SYNE1: variants seen among roughly 807,000 people sequenced by gnomAD.
The protein encoded by SYNE1 is spectrin repeat containing nuclear envelope protein 1.
SYNE1 carries 616 observed loss-of-function variants against 1,111.0 expected under a neutral mutation model. The observed-to-expected ratio is 0.55, with a 90% CI of 0.52 to 0.59. The LOEUF is 0.59. Ranked by LOEUF, SYNE1 falls within the 20% of genes least tolerant of loss-of-function variation. The pLI is 0.00. For synonymous variants in SYNE1, 3,855 were observed against 3,825.8 expected (o/e 1.01, Z -0.28); for missense variants, 10,006 against 10,417.0 (o/e 0.96, Z 1.72).
At position 152,272,165 on chromosome 6, in the gene SYNE1, A is replaced by G. The variant is rs141511165; in HGVS notation, c.18574-2879T>C. 2.9e-3 allele frequency among the ~76,000 whole-genome samples: 444 copies of G among 152,374 alleles called. 3 individuals are homozygous for G. The highest frequency in any genetic ancestry group is 1.0e-2 in the African/African-American group (415 of 41,596). ...TCTCTGAATGATTTAGTCATTGTGA[A>G]ACATAAGACTTGGACCACAGGAAGC... On this transcript the variant is annotated intron_variant, in intron 98 of 145. Coordinates refer to ENST00000367255, the MANE Select transcript of SYNE1 (RefSeq NM_182961.4).
At chr6:152,364,794 A>G in intron 63 of SYNE1, 53 bp downstream of exon 63, 1 of 1,610,728 alleles carries the variant, frequency 6.2e-7, no homozygotes, top group Non-Finnish European at 8.5e-7. Context: ...CAGTAGTATT[A>G]TATTGATCTT....
chr6:152,628,412 G>T lies in SYNE1; in HGVS notation c.-81C>A. The T allele has an allele frequency of 2.9e-6, 4 of 1,380,378 alleles. No individual in the cohort carries two copies. The highest frequency in any genetic ancestry group is 4.1e-6 in the Non-Finnish European group (4 of 967,692). 85.5% of individuals were successfully genotyped at this position (1,380,378 alleles called of 1,614,324 possible). A position where few individuals can be genotyped will look rare whatever the true frequency, so the allele number is the denominator to read the frequency against. On this transcript the variant is annotated 5_prime_UTR_variant, in exon 3 of 146. Transcript: ENST00000367255. ...AGGGCTACACCACTCTAGAAAACAT[G>T]CTTGGACTTTTCTAGATCTATTCTG...
At chr6:152,545,696 T>C (rs961312507) in intron 3 of SYNE1, among the ~76,000 whole-genome samples, 9 of 152,222 alleles carry the variant, frequency 5.9e-5, no homozygotes, top group Non-Finnish European at 8.8e-5. Context: ...GTACCATGCA[T>C]TGATACATTT....
At chr6:152,577,168 A>C (rs1409807186) in intron 3 of SYNE1, among the ~76,000 whole-genome samples, 1 of 152,328 alleles carries the variant, frequency 6.6e-6, no homozygotes. Flanking sequence ...GATAGAAAGA[A>C]TCTTATTAGA....
chr6:152,387,326 A>G lies in SYNE1; in HGVS notation c.8233T>C (p.Leu2745=), dbSNP rs541934779. 2.4e-5 allele frequency: 38 copies of G among 1,614,162 alleles called. No individual in the cohort carries two copies. The highest frequency in any genetic ancestry group is 3.1e-5 in the Non-Finnish European group (36 of 1,180,026). Residue 2745 remains leucine (L), a synonymous_variant, in exon 54 of 146, where the codon TTG becomes CTG. Transcript: ENST00000367255. The stretch of plus-strand genomic sequence containing the variant: ...TCCACTGATTCCATCCACTGCTCCA[A>G]CTGGTTTTTCCTCTCTACATAGTCA... ...WNDYVERKNQ[L]EQWMESVDQK... is the part of the protein sequence containing the mutation.
At chr6:152,597,248 A>T (rs891418568) in intron 3 of SYNE1, among the ~76,000 whole-genome samples, 16 of 152,088 alleles carry the variant, frequency 1.1e-4, no homozygotes, top group Non-Finnish European at 2.1e-4. Context: ...AGTAACTAAA[A>T]CTACCTAAAG....
Position 152,427,948 on chromosome 6 carries a change from C to T in SYNE1, c.4977-132G>A, listed in dbSNP as rs909957309. On this transcript the variant is annotated intron_variant, in intron 37 of 145. Transcript: ENST00000367255. ...TCAGTTATCTCAGTCTTAGATATGC[C>T]AGCACAAAAATCCCTCCTTTTATTT... 111 of 1,339,204 alleles carry T rather than the reference C, an allele frequency of 8.3e-5. No individual in the cohort carries two copies. In the East Asian group the frequency reaches 2.7e-3, roughly 32 times the overall value. The allele number at this position is 1,339,204 out of a possible 1,614,324, so 83.0% of individuals were successfully genotyped here. A position where few individuals can be genotyped will look rare whatever the true frequency, so the allele number is the denominator to read the frequency against.
chr6:152,256,587 C>G lies in SYNE1; in HGVS notation c.19104+47G>C, dbSNP rs775165297. 6.2e-6 allele frequency: 10 copies of G among 1,610,818 alleles called. No homozygotes were observed. The South Asian group carries it at 9.9e-5, about 16-fold the overall frequency. ...GCCAGGCAAATCAATACAAGCAAAA[C>G]AAGACTCTTATAAACCAAGCCAAAC... On this transcript the variant is annotated intron_variant, in intron 102 of 145. Coordinates refer to ENST00000367255, the MANE Select transcript of SYNE1 (RefSeq NM_182961.4).
intron 14 of SYNE1, among the ~76,000 whole-genome samples, chr6:152,480,311 A>G (rs1268341834): frequency 1.3e-5 from 2 of 152,122 alleles, no homozygotes; most frequent in African/African-American, 4.8e-5. Flanking sequence ...ACTTGAGGTC[A>G]GGAGTTCAAG....
At chr6:152,151,083 T>C (rs543781603) in intron 135 of SYNE1, among the ~76,000 whole-genome samples, 5 of 151,794 alleles carry the variant, frequency 3.3e-5, no homozygotes, top group Non-Finnish European at 5.9e-5. Flanking sequence ...TTTGCCGGAC[T>C]TGGTGGTATG....
intron 41 of SYNE1, among the ~76,000 whole-genome samples, chr6:152,415,130 T>A (rs1320875224): frequency 6.6e-6 from 1 of 151,814 alleles, no homozygotes; most frequent in Non-Finnish European, 1.5e-5. Context: ...CTGAAAAAAA[T>A]GGAAGAGCAA....
At chr6:152,251,754 G>A (rs1399837777) in intron 104 of SYNE1, among the ~76,000 whole-genome samples, 4 of 151,698 alleles carry the variant, frequency 2.6e-5, no homozygotes, top group Admixed American at 6.6e-5. Flanking sequence ...GCGAGACTCC[G>A]TCTCAAAAAA....
chr6:152,141,315 G>A lies in SYNE1; in HGVS notation c.25134C>T (p.Gly8378=), dbSNP rs576598951. Residue 8378 remains glycine (G), a synonymous_variant, in exon 139 of 146, where the codon GGC becomes GGT. Coordinates refer to ENST00000367255, the MANE Select transcript of SYNE1 (RefSeq NM_182961.4). Reference sequence around the variant, plus strand: ...CGGAGTCTATACTGCTACTGCATTCGCCCAGCAGTTTCATCTGTTTAGACA... The same window carrying A: ...CGGAGTCTATACTGCTACTGCATTCACCCAGCAGTTTCATCTGTTTAGACA... The part of the protein sequence containing the change: ...TSYKGYMKLL[G]ECSSSIDSVK... 39 of 1,613,950 alleles carry A rather than the reference G, an allele frequency of 2.4e-5. No individual in the cohort carries two copies. The East Asian group carries it at 7.1e-4, about 30-fold the overall frequency.
chr6:152,214,193 CAA>C (rs200066196), intron 122 of SYNE1, among the ~76,000 whole-genome samples: 11 of 59,888 alleles, frequency 1.8e-4, no homozygotes, highest in Non-Finnish European at 2.6e-4. Flanking sequence ...AACTCCGTCT[CAA>C]AAAAAAAAAA....
intron 87 of SYNE1, 57 bp downstream of exon 87, chr6:152,316,792 C>T (rs1410268511): frequency 1.2e-6 from 2 of 1,602,034 alleles, no homozygotes; most frequent in Admixed American, 1.7e-5. Flanking sequence ...GTCAGTCTAC[C>T]CAGTTAAATC....
intron 65 of SYNE1, 98 bp downstream of exon 65, chr6:152,359,217 C>G: frequency 6.4e-7 from 1 of 1,550,520 alleles, no homozygotes; most frequent in Admixed American, 1.7e-5. Flanking sequence ...TTCTGTTTTC[C>G]CAAGCCTGTC....
At chr6:152,588,927 C>G (rs1454076436) in intron 3 of SYNE1, among the ~76,000 whole-genome samples, 1 of 151,932 alleles carries the variant, frequency 6.6e-6, no homozygotes, top group African/African-American at 2.4e-5. Context: ...TCAGGAAAGC[C>G]AAGAGTTTTA....
At chr6:152,623,465 A>C (rs966089184) in intron 3 of SYNE1, among the ~76,000 whole-genome samples, 2 of 152,186 alleles carry the variant, frequency 1.3e-5, no homozygotes, top group Admixed American at 6.5e-5. Context: ...AGGCACAGAC[A>C]AAGATTACAT....
intron 8 of SYNE1, among the ~76,000 whole-genome samples, chr6:152,506,540 C>T (rs949636405): frequency 2.7e-5 from 4 of 150,776 alleles, no homozygotes; most frequent in African/African-American, 7.3e-5. Context: ...TTATTATTAT[C>T]ATTATTATTA....
Sources: allele counts gnomAD v4.1 joint callset (sites outside exome capture counted in the v4.1 genomes callset), GRCh38; gene constraint gnomAD v4.1.1; transcripts MANE v1.5; gene names NCBI Gene and HGNC (gene_info 2026-07-23, HGNC 2026-07-21).